Variants in EVC observed in about 807,000 individuals in gnomAD.
The protein encoded by EVC is evC complex member EVC.
In EVC, 116 loss-of-function variants were observed where a neutral mutation model predicts 118.9. That is an observed-to-expected ratio of 0.98 (90% CI 0.84 to 1.14). The LOEUF is 1.14. Among genes scored for constraint, EVC ranks in the 50% most tolerant of loss-of-function variants. The pLI is 0.00. For missense variants in EVC, 1,401 were observed against 1,246.4 expected, an observed-to-expected ratio of 1.12 and a Z score of -1.87; for synonymous variants, 619 against 534.7, an observed-to-expected ratio of 1.16 and a Z score of -2.18.
intron 12 of EVC, 62 bp from the exon 13 acceptor site, chr4:5,793,546 G>A: frequency 1.5e-6 from 2 of 1,344,892 alleles, no homozygotes; most frequent in Non-Finnish European, 2.1e-6. Flanking sequence ...CACAATCCTA[G>A]CAAGCAGGAT....
chr4:5,793,163 G>A (rs1025624755), intron 12 of EVC, among the ~76,000 whole-genome samples: 1 of 152,148 alleles, frequency 6.6e-6, no homozygotes, highest in Non-Finnish European at 1.5e-5. Context: ...AGTAAGCATG[G>A]TATTGGTGCG....
Position 5,731,677 on chromosome 4 carries a change from G to A in EVC, c.617+20G>A, listed in dbSNP as rs766787721. On this transcript the variant is annotated intron_variant, in intron 4 of 20. Transcript: ENST00000264956. This position sits in a 1 kb window ranked among gnomAD's most constrained non-coding sequence, Gnocchi z 5.6. ...CGAGAGGTAAGGAGAGCGGGCAATG[G>A]AGGATGAGGCTTCCAGTCCTCTTGG... 6.2e-6 allele frequency: 10 copies of A among 1,605,184 alleles called. No individual in the cohort carries two copies. Among genetic ancestry groups the A allele is most frequent in the East Asian group, 2.2e-5 (1 of 44,596 alleles).
chr4:5,711,696 C>T (rs990194419), intron 1 of EVC, 142 bp downstream of exon 1: 4 of 741,760 alleles, frequency 5.4e-6, no homozygotes, highest in Non-Finnish European at 3.4e-6. Flanking sequence ...GTCGGGTTCC[C>T]CTTCTGCTCC....
intron 17 of EVC, among the ~76,000 whole-genome samples, chr4:5,805,274 C>G (rs905174425): frequency 3.9e-5 from 6 of 152,152 alleles, no homozygotes; most frequent in African/African-American, 9.7e-5. Flanking sequence ...GTAACTGTGA[C>G]CATCACAATG....
intron 5 of EVC, among the ~76,000 whole-genome samples, chr4:5,739,929 A>T (rs1013238217): frequency 2.7e-5 from 4 of 149,002 alleles, no homozygotes; most frequent in Non-Finnish European, 5.9e-5. Context: ...TTACCGGTTC[A>T]CCAAAGAAAA....
rs1871586 is a variant in EVC at position 5,731,341 on chromosome 4, G to T, written c.385-84G>T. 313,479 of 1,184,844 alleles carry T rather than the reference G, an allele frequency of 0.26. 42,732 individuals are homozygous for T. The highest frequency in any genetic ancestry group is 0.35 in the South Asian group (28,460 of 81,832). 73.4% of individuals were successfully genotyped at this position (1,184,844 alleles called of 1,614,324 possible). ...GCAGACCTTCCTGTGAGCGGCTAGCGTGAATCACTGGTAGAATTATGAATA... is the reference window on the plus strand; with the variant it reads ...GCAGACCTTCCTGTGAGCGGCTAGCTTGAATCACTGGTAGAATTATGAATA... On this transcript the variant is annotated intron_variant, in intron 3 of 20. Transcript: ENST00000264956. This position sits in a 1 kb window ranked among gnomAD's most constrained non-coding sequence, Gnocchi z 5.6.
chr4:5,802,897 C>T (rs1715262944), intron 16 of EVC, among the ~76,000 whole-genome samples: 1 of 152,116 alleles, frequency 6.6e-6, no homozygotes, highest in African/African-American at 2.4e-5. Flanking sequence ...GGTTGGGGAT[C>T]CCTGATCTAG....
At position 5,809,570 on chromosome 4, in the gene EVC, T is replaced by A; in HGVS notation, c.2741T>A (p.Leu914His). The A allele has an allele frequency of 6.2e-7, 1 of 1,614,206 alleles. No individual in the cohort carries two copies. The highest frequency in any genetic ancestry group is 2.2e-5 in the East Asian group (1 of 44,874). ...SELAALARVPLAESKLLPAKR... is the reference protein window; with the variant it reads ...SELAALARVPHAESKLLPAKR... The stretch of plus-strand genomic sequence containing the variant: ...CTGGCAGCCTTGGCCCGAGTGCCCC[T>A]TGCTGAAAGCAAACTGTTGCCTGCT... Residue 914 changes from leucine (L) to histidine (H), a missense_variant, in exon 19 of 21, where the codon CTT becomes CAT. Coordinates refer to ENST00000264956, the MANE Select transcript of EVC (RefSeq NM_153717.3).
chr4:5,793,838 T>C lies in EVC; in HGVS notation c.1886+121T>C, dbSNP rs576404244. On this transcript the variant is annotated intron_variant, in intron 13 of 20. Transcript: ENST00000264956. Reference sequence around the variant, plus strand: ...CCCCTCAGCTTCCTTTGAATGTAAATGACTTAACGTTTCTTAGCCTCGATT... The same window carrying C: ...CCCCTCAGCTTCCTTTGAATGTAAACGACTTAACGTTTCTTAGCCTCGATT... 1.2e-5 allele frequency: 9 copies of C among 760,458 alleles called. No individual in the cohort carries two copies. The African/African-American group carries it at 1.5e-4, about 13-fold the overall frequency. The allele number at this position is 760,458 out of a possible 1,614,324, so 47.1% of individuals were successfully genotyped here.
intron 1 of EVC, among the ~76,000 whole-genome samples, chr4:5,717,512 A>G (rs572292104): frequency 5.9e-5 from 9 of 152,174 alleles, no homozygotes; most frequent in African/African-American, 1.9e-4. Context: ...CAATGTCTTT[A>G]CTGTAGGACT....
Position 5,749,668 on chromosome 4 carries a change from G to A in EVC, c.1098+1362G>A, listed in dbSNP as rs1431344337. On this transcript the variant is annotated intron_variant, in intron 8 of 20. Coordinates refer to ENST00000264956, the MANE Select transcript of EVC (RefSeq NM_153717.3). This position sits in a 1 kb window ranked among gnomAD's most constrained non-coding sequence, Gnocchi z 4.4. ...TTGGGCTCATCCTGTGTGCGCCAGT[G>A]TGTACTAGGGCCAGGGAACGAGCCC... 6.6e-6 allele frequency among the ~76,000 whole-genome samples: 1 copy of A among 152,164 alleles called. No homozygotes were observed. The highest frequency in any genetic ancestry group is 1.5e-5 in the Non-Finnish European group (1 of 68,046).
At chr4:5,824,549 C>G in the EVC span, 82 of 982,936 alleles carry the variant, frequency 8.3e-5, no homozygotes, top group Non-Finnish European at 9.4e-5. Flanking sequence ...CTTTCCTGAC[C>G]AGGAATTAGC....
At position 5,765,327 on chromosome 4, in the gene EVC, G is replaced by C. The variant is rs1475513189; in HGVS notation, c.1563+8965G>C. On this transcript the variant is annotated intron_variant, in intron 11 of 20. Coordinates refer to ENST00000264956, the MANE Select transcript of EVC (RefSeq NM_153717.3). ...TGAGGAGAGCATTACTTCCAAGTAT[G>C]TGGTCAATTTTGGAATAGGTGTGGT... Among the ~76,000 whole-genome samples, 3 of 115,510 alleles carry C rather than the reference G, an allele frequency of 2.6e-5. 1 individual carries two copies. Among genetic ancestry groups the C allele is most frequent in the African/African-American group, 1.0e-4 (3 of 29,456 alleles). 75.8% of individuals were successfully genotyped at this position (115,510 alleles called of 152,430 possible). A position where few individuals can be genotyped will look rare whatever the true frequency, so the allele number is the denominator to read the frequency against.
At chr4:5,777,791 T>C (rs1446372295) in intron 11 of EVC, among the ~76,000 whole-genome samples, 1 of 152,006 alleles carries the variant, frequency 6.6e-6, no homozygotes, top group Non-Finnish European at 1.5e-5. Flanking sequence ...AGCTTAAGAG[T>C]GTGGCATTCA....
rs1715100620 is a variant in EVC at position 5,802,069 on chromosome 4, A to T, written c.2424A>T (p.Lys808Asn). ...GRIMEDHEER[K>N]LQHLKTLQGE... ...TCATGGAGGACCACGAGGAGAGAAA[A>T]CTGCAGCACCTGAAGACCCTGCAGG... Residue 808 changes from lysine (K) to asparagine (N), a missense_variant, in exon 16 of 21, where the codon AAA (lysine) becomes AAT (asparagine). Lys to Asn is a moderately conservative substitution (Grantham distance 94). Transcript: ENST00000264956. 2 of 1,613,816 alleles carry T rather than the reference A, an allele frequency of 1.2e-6. No homozygotes were observed. Among genetic ancestry groups the T allele is most frequent in the Non-Finnish European group, 1.7e-6 (2 of 1,179,990 alleles).
Position 5,731,629 on chromosome 4 carries a change from G to T in EVC, c.589G>T (p.Ala197Ser), listed in dbSNP as rs115507440. ...FLSRTFLRVN[A>S]FPEVLACESV... Reference sequence around the variant, plus strand: ...CAGCCGCACCTTCCTCCGGGTGAACGCCTTCCCTGAAGTGCTGGCCTGCGA... The same window carrying T: ...CAGCCGCACCTTCCTCCGGGTGAACTCCTTCCCTGAAGTGCTGGCCTGCGA... Residue 197 changes from alanine (A) to serine (S), a missense_variant, in exon 4 of 21, where the codon GCC (alanine) becomes TCC (serine). Coordinates refer to ENST00000264956, the MANE Select transcript of EVC (RefSeq NM_153717.3). The surrounding 1 kb of genome is among the most constrained non-coding windows in gnomAD (Gnocchi z 5.6). 1.3e-4 allele frequency: 203 copies of T among 1,614,106 alleles called. No individual in the cohort carries two copies. In the African/African-American group the frequency reaches 2.4e-3, roughly 19 times the overall value.
chr4:5,757,038 C>T (rs946325716), intron 11 of EVC, among the ~76,000 whole-genome samples: 2 of 152,168 alleles, frequency 1.3e-5, no homozygotes, highest in African/African-American at 2.4e-5. Context: ...TGTCCTGGCT[C>T]CCCGCTTCCT....
chr4:5,730,094 A>G (rs966721591), intron 3 of EVC, among the ~76,000 whole-genome samples: 2 of 152,152 alleles, frequency 1.3e-5, no homozygotes, highest in African/African-American at 2.4e-5. Flanking sequence ...TCCTAACCCC[A>G]TCTCAGCCAT....
intron 11 of EVC, among the ~76,000 whole-genome samples, chr4:5,771,242 G>A (rs994507564): frequency 2.1e-4 from 32 of 152,104 alleles, no homozygotes; most frequent in African/African-American, 7.7e-4. Context: ...GAGGCTCCAG[G>A]GGAGAAACAG....
Sources: gnomAD v4.1 joint callset for allele counts (sites outside exome capture counted in the v4.1 genomes callset) on GRCh38, gnomAD v4.1.1 for gene constraint, Gnocchi (gnomAD v3.1) non-coding constraint, MANE v1.5 for transcripts, NCBI Gene and HGNC (gene_info 2026-07-23, HGNC 2026-07-21) for gene names.